SETD7: variants seen among roughly 807,000 people sequenced by gnomAD.
SETD7 encodes SET domain containing 7, histone lysine methyltransferase.
A neutral mutation model predicts 41.8 loss-of-function variants in SETD7; 16 were observed. The observed-to-expected ratio is 0.38, with a 90% confidence interval of 0.26 to 0.58. The LOEUF is 0.58. Among genes scored for constraint, SETD7 ranks in the 20% least tolerant of loss-of-function variants. The probability of loss-of-function intolerance (pLI) is 0.64; values close to 1 mark genes in which losing one functional copy is unlikely to be tolerated. For missense variants in SETD7, 346 were observed against 459.7 expected (o/e 0.75, Z 2.26); for synonymous variants, 163 against 169.7 (o/e 0.96, Z 0.31).
chr4:139,555,957 G>C lies in SETD7; in HGVS notation c.40+141C>G. ...GCGTGACCGTGGCTGTCGGGCCCCC[G>C]CCCGAGCCGGGCAACCGGCCACCCG... On this transcript the variant is annotated intron_variant, in intron 1 of 7. Transcript: ENST00000274031. This position sits in a 1 kb window ranked among gnomAD's most constrained non-coding sequence, Gnocchi z 4.0. 1.4e-6 allele frequency: 1 copy of C among 719,970 alleles called. No individual in the cohort carries two copies. The highest frequency in any genetic ancestry group is 1.9e-6 in the Non-Finnish European group (1 of 514,840). 44.6% of individuals were successfully genotyped at this position (719,970 alleles called of 1,614,324 possible).
At chr4:139,549,838 T>A (rs1468794566) in intron 1 of SETD7, among the ~76,000 whole-genome samples, 2 of 152,090 alleles carry the variant, frequency 1.3e-5, no homozygotes, top group Non-Finnish European at 2.9e-5. Flanking sequence ...AGTGCAATGG[T>A]GCGATCTTGG....
chr4:139,551,223 G>A (rs1010517932), intron 1 of SETD7, among the ~76,000 whole-genome samples: 1 of 152,236 alleles, frequency 6.6e-6, no homozygotes, highest in Non-Finnish European at 1.5e-5. Flanking sequence ...TGTAAAATGC[G>A]CCAAGTCAGC....
intron 7 of SETD7, among the ~76,000 whole-genome samples, chr4:139,500,458 AT>A (rs1726547354): frequency 2.0e-5 from 3 of 152,302 alleles, no homozygotes; most frequent in Admixed American, 2.0e-4. Context: ...TTTCAAAAGC[AT>A]TTTCAGAAAC....
intron 4 of SETD7, among the ~76,000 whole-genome samples, chr4:139,526,959 T>A (rs1326887599): frequency 6.6e-6 from 1 of 152,156 alleles, no homozygotes; most frequent in East Asian, 1.9e-4. Flanking sequence ...AAAATAAACT[T>A]TTCATTTTGG....
At chr4:139,523,284 T>A in intron 5 of SETD7, 70 bp downstream of exon 5, 1 of 1,178,242 alleles carries the variant, frequency 8.5e-7, no homozygotes, top group Non-Finnish European at 1.3e-6. Flanking sequence ...AAGAGGTGCA[T>A]AAGTTCCTAC....
At chr4:139,528,857 G>A (rs1727402424) in intron 4 of SETD7, among the ~76,000 whole-genome samples, 174 bp downstream of exon 4, 1 of 152,196 alleles carries the variant, frequency 6.6e-6, no homozygotes, top group Non-Finnish European at 1.5e-5. Context: ...CAGAGCTGTG[G>A]TTGCTGTTGT....
Position 139,556,170 on chromosome 4 carries a change from C to T in SETD7, c.-33G>A, listed in dbSNP as rs1294631148. The T allele has an allele frequency of 1.9e-6, 3 of 1,582,498 alleles. No individual in the cohort carries two copies. Among genetic ancestry groups the T allele is most frequent in the Non-Finnish European group, 1.7e-6 (2 of 1,165,266 alleles). The stretch of plus-strand genomic sequence containing the variant: ...GGGGACACTGCCCAGCTCGGGGCTG[C>T]GCGGCTGCCTCCCGTCCCTCTGGGT... On this transcript the variant is annotated 5_prime_UTR_variant, in exon 1 of 8. Transcript: ENST00000274031.
intron 7 of SETD7, among the ~76,000 whole-genome samples, chr4:139,515,575 T>C (rs140396836): frequency 1.3e-5 from 2 of 152,380 alleles, no homozygotes; most frequent in Admixed American, 6.5e-5. Flanking sequence ...AATGACACTT[T>C]GGCCTAATTC....
chr4:139,504,914 T>C (rs1445235980), downstream of SETD7, among the ~76,000 whole-genome samples: 1 of 152,156 alleles, frequency 6.6e-6, no homozygotes, highest in Admixed American at 6.5e-5. Flanking sequence ...GTATTCCCCT[T>C]TCCCACAAGG....
chr4:139,533,451 T>C (rs958835685), intron 2 of SETD7, 85 bp from the exon 3 acceptor site: 1 of 1,156,780 alleles, frequency 8.6e-7, no homozygotes, highest in Non-Finnish European at 1.3e-6. Flanking sequence ...AGGAACTGCA[T>C]GCCCAGCTGT....
intron 3 of SETD7, among the ~76,000 whole-genome samples, chr4:139,530,017 G>A (rs181173859): frequency 9.2e-5 from 14 of 152,184 alleles, no homozygotes; most frequent in Non-Finnish European, 1.8e-4. Context: ...GTACTTTAGG[G>A]AAGAGGCTAT....
intron 3 of SETD7, among the ~76,000 whole-genome samples, chr4:139,531,840 C>T (rs1277249047): frequency 1.3e-5 from 2 of 152,134 alleles, no homozygotes; most frequent in African/African-American, 4.8e-5. Context: ...CCTGTAATCC[C>T]AGCACTTTGG....
rs1185544856 is a variant in SETD7 at position 139,546,973 on chromosome 4, G to T, written c.117C>A (p.Asn39Lys). ...TYSSTDRFEG[N>K]FVHGEKNGRG... The stretch of plus-strand genomic sequence containing the variant: ...GTCCGTTCTTTTCTCCGTGAACAAA[G>T]TTCCCCTCAAATCTGTCTGTGGAGG... Residue 39 changes from asparagine to lysine, a missense_variant, in exon 2 of 8, where the codon AAC becomes AAA. Asn to Lys is a moderately conservative substitution (Grantham distance 94). Transcript: ENST00000274031. The T allele has an allele frequency of 6.2e-7, 1 of 1,614,068 alleles. No homozygotes were observed. Among genetic ancestry groups the T allele is most frequent in the Non-Finnish European group, 8.5e-7 (1 of 1,180,050 alleles).
chr4:139,505,694 C>T (rs1407950432), downstream of SETD7, among the ~76,000 whole-genome samples: 4 of 152,200 alleles, frequency 2.6e-5, no homozygotes, highest in Non-Finnish European at 2.9e-5. Flanking sequence ...TCTACCACAA[C>T]GTCTAACAAA....
At chr4:139,497,257 C>T (rs1161243443) in intron 7 of SETD7, among the ~76,000 whole-genome samples, 1 of 152,040 alleles carries the variant, frequency 6.6e-6, no homozygotes, top group Non-Finnish European at 1.5e-5. Context: ...GAGTTCCAGA[C>T]CAGCCTGACT....
At chr4:139,534,926 T>C (rs1727595041) in intron 2 of SETD7, among the ~76,000 whole-genome samples, 2 of 152,234 alleles carry the variant, frequency 1.3e-5, no homozygotes, top group African/African-American at 2.4e-5. Flanking sequence ...AGCTTCTGGT[T>C]AAAAGGTAAT....
intron 7 of SETD7, among the ~76,000 whole-genome samples, chr4:139,517,360 A>T (rs1727051855): frequency 6.6e-6 from 1 of 151,988 alleles, no homozygotes. Context: ...CTGTAATCCC[A>T]GCTACTTGAG....
intron 4 of SETD7, among the ~76,000 whole-genome samples, chr4:139,525,672 G>A (rs1001126911): frequency 6.6e-6 from 1 of 152,156 alleles, no homozygotes; most frequent in Non-Finnish European, 1.5e-5. Flanking sequence ...CTGGTGAGGC[G>A]ACAGGTCAAG....
chr4:139,495,508 CTT>C (rs143691806), downstream of SETD7, among the ~76,000 whole-genome samples: 3,141 of 152,264 alleles, frequency 0.021, 98 homozygotes, highest in African/African-American at 0.07. Flanking sequence ...CCTCAGGAAA[CTT>C]ACAATCACGG....
Sources: allele counts gnomAD v4.1 joint callset (sites outside exome capture counted in the v4.1 genomes callset), GRCh38; gene constraint gnomAD v4.1.1; non-coding constraint Gnocchi (gnomAD v3.1); transcripts MANE v1.5; gene names NCBI Gene and HGNC (gene_info 2026-07-23, HGNC 2026-07-21).